The following NPAS3 variants were observed in gnomAD, a reference collection of about 807,000 sequenced individuals.
NPAS3 encodes neuronal PAS domain-containing protein 3.
NPAS3 carries 14 observed loss-of-function variants against 73.1 expected under a neutral mutation model. The ratio of observed to expected loss-of-function variants is 0.19; its 90% CI spans 0.13 to 0.30. The LOEUF is 0.30. NPAS3 is among the 10% of genes least tolerant of loss of function. The pLI is 1.00. For missense variants in NPAS3, 1,096 were observed against 1,250.0 expected (o/e 0.88, Z 1.86); for synonymous variants, 620 against 541.5 (o/e 1.14, Z -2.01).
intron 1 of NPAS3, among the ~76,000 whole-genome samples, chr14:32,942,528 G>A (rs1406693098): frequency 6.6e-6 from 1 of 152,076 alleles, no homozygotes; most frequent in Non-Finnish European, 1.5e-5. Context: ...TTCTTTAAAC[G>A]CCAATAGACT....
chr14:33,244,715 A>G (rs1261947618), intron 3 of NPAS3, among the ~76,000 whole-genome samples: 2 of 152,152 alleles, frequency 1.3e-5, no homozygotes, highest in Non-Finnish European at 2.9e-5. Context: ...TCTTTCTTCT[A>G]TACCACTTTA....
Position 33,042,686 on chromosome 14 carries a change from A to G in NPAS3, c.51-13219A>G, listed in dbSNP as rs1215336978. On this transcript the variant is annotated intron_variant, in intron 1 of 11. Transcript: ENST00000356141. Reference sequence around the variant, plus strand: ...TCCTTGATCACACTTTAGCATTTCAATTTTAAAGTTCCAATTTGAAAGCCT... The same window carrying G: ...TCCTTGATCACACTTTAGCATTTCAGTTTTAAAGTTCCAATTTGAAAGCCT... Among the ~76,000 whole-genome samples the G allele has an allele frequency of 2.0e-5, 3 of 152,142 alleles. No homozygotes were observed. In the East Asian group the frequency reaches 5.8e-4, roughly 29 times the overall value.
chr14:33,304,991 C>G (rs955852108), intron 3 of NPAS3, among the ~76,000 whole-genome samples: 2 of 152,046 alleles, frequency 1.3e-5, no homozygotes, highest in African/African-American at 4.8e-5. Context: ...AAATGTCCAG[C>G]ATTGGTGTGG....
intron 3 of NPAS3, among the ~76,000 whole-genome samples, chr14:33,254,126 T>C (rs1281618987): frequency 6.6e-6 from 1 of 152,002 alleles, no homozygotes; most frequent in Non-Finnish European, 1.5e-5. Flanking sequence ...CTGACTGGGG[T>C]CCTCGCATGC....
chr14:33,480,998 T>A (rs968517943), intron 4 of NPAS3, among the ~76,000 whole-genome samples: 1 of 152,094 alleles, frequency 6.6e-6, no homozygotes, highest in Admixed American at 6.6e-5. Context: ...TAGAGCCTCA[T>A]GCGTCCCCGT....
chr14:33,244,138 TAA>T (rs75629405), intron 3 of NPAS3, among the ~76,000 whole-genome samples: 3 of 142,456 alleles, frequency 2.1e-5, no homozygotes, highest in Admixed American at 7.0e-5. Flanking sequence ...CTACATTTGT[TAA>T]AAAAAAAAAA....
intron 2 of NPAS3, among the ~76,000 whole-genome samples, chr14:33,144,933 T>C (rs2044184201): frequency 6.6e-6 from 1 of 152,182 alleles, no homozygotes; most frequent in Admixed American, 6.5e-5. Context: ...TTAGATTTTC[T>C]GAGTCCTCGA....
At chr14:33,034,307 T>C (rs1207524964) in intron 1 of NPAS3, among the ~76,000 whole-genome samples, 1 of 151,896 alleles carries the variant, frequency 6.6e-6, no homozygotes, top group Non-Finnish European at 1.5e-5. Context: ...AAAAAGATTA[T>C]GTAACATTAT....
chr14:33,418,303 G>A (rs117478485), intron 4 of NPAS3, among the ~76,000 whole-genome samples: 420 of 152,042 alleles, frequency 2.8e-3, no homozygotes, highest in Non-Finnish European at 5.1e-3. Context: ...AGGCTGAACA[G>A]CTTTTCACCC....
At chr14:33,588,290 C>G (rs1421959939) in intron 5 of NPAS3, among the ~76,000 whole-genome samples, 1 of 152,148 alleles carries the variant, frequency 6.6e-6, no homozygotes, top group Non-Finnish European at 1.5e-5. Context: ...CATATTGTCT[C>G]CAAGACCAAA....
chr14:33,110,007 A>T (rs1309436427), intron 2 of NPAS3, among the ~76,000 whole-genome samples: 1 of 151,326 alleles, frequency 6.6e-6, no homozygotes, highest in Non-Finnish European at 1.5e-5. Context: ...CAACTCTAAC[A>T]CCAGTTCCTT....
chr14:32,991,584 C>A (rs1031968196), intron 1 of NPAS3, among the ~76,000 whole-genome samples: 1 of 152,138 alleles, frequency 6.6e-6, no homozygotes, highest in Non-Finnish European at 1.5e-5. Context: ...ACATGTAATT[C>A]ATTTAATGAC....
chr14:32,965,650 A>G (rs1018015327), intron 1 of NPAS3, among the ~76,000 whole-genome samples: 4 of 152,232 alleles, frequency 2.6e-5, no homozygotes, highest in African/African-American at 9.6e-5. Context: ...AATCTGGAAC[A>G]AGGCAAGGAT....
chr14:32,991,030 A>G (rs924668268), intron 1 of NPAS3, among the ~76,000 whole-genome samples: 4 of 151,770 alleles, frequency 2.6e-5, no homozygotes, highest in African/African-American at 7.3e-5. Flanking sequence ...ATCAGGATCA[A>G]TGAGATAGAT....
intron 5 of NPAS3, among the ~76,000 whole-genome samples, chr14:33,661,750 T>C (rs1337554042): frequency 6.6e-6 from 1 of 152,258 alleles, no homozygotes; most frequent in African/African-American, 2.4e-5. Flanking sequence ...TATTATTACA[T>C]ATTCATTTTC....
At chr14:33,056,512 T>A (rs2040894669) in intron 2 of NPAS3, among the ~76,000 whole-genome samples, 1 of 152,114 alleles carries the variant, frequency 6.6e-6, no homozygotes, top group African/African-American at 2.4e-5. Context: ...CTAATTACTA[T>A]GTACCTTACA....
chr14:33,181,030 A>G, intron 2 of NPAS3, among the ~76,000 whole-genome samples: 1 of 152,118 alleles, frequency 6.6e-6, no homozygotes, highest in East Asian at 1.9e-4. Context: ...TCCCCAGTGA[A>G]GGATTATCTG....
intron 3 of NPAS3, among the ~76,000 whole-genome samples, chr14:33,363,922 C>CTGTGTGTGTGTGTGTGTGTG (rs10627532): frequency 8.7e-5 from 13 of 148,772 alleles, no homozygotes; most frequent in East Asian, 2.0e-4. Flanking sequence ...GCAATGCCCT[C>CTGTGTGTGTGTGTGTGTGTG]TGTGTGTGTG....
chr14:33,046,731 T>G (rs138842082), intron 1 of NPAS3, among the ~76,000 whole-genome samples: 1 of 152,198 alleles, frequency 6.6e-6, no homozygotes, highest in East Asian at 1.9e-4. Context: ...ATACCAACAC[T>G]TTGAGAGGCC....
Sources: gnomAD v4.1 joint callset for allele counts (sites outside exome capture counted in the v4.1 genomes callset) on GRCh38, gnomAD v4.1.1 for gene constraint, MANE v1.5 for transcripts, NCBI Gene and HGNC (gene_info 2026-07-23, HGNC 2026-07-21) for gene names.